Variants in KCP observed in about 807,000 individuals in gnomAD.
The protein encoded by KCP is kielin/chordin-like protein.
A neutral mutation model predicts 212.7 loss-of-function variants in KCP; 194 were observed. The ratio of observed to expected loss-of-function variants is 0.91; its 90% CI spans 0.81 to 1.03. KCP has a LOEUF of 1.03. KCP is among the 50% of genes least tolerant of loss of function. The pLI, the probability that KCP is intolerant of heterozygous loss-of-function variation, is 0.00. For synonymous variants in KCP, 833 were observed against 865.3 expected (o/e 0.96, Z 0.65); for missense variants, 2,080 against 2,162.5 (o/e 0.96, Z 0.76).
At chr7:128,891,336 C>G (rs1794117197) in intron 18 of KCP, 58 bp from the exon 19 acceptor site, 4 of 1,546,626 alleles carry the variant, frequency 2.6e-6, no homozygotes, top group African/African-American at 1.4e-5. Flanking sequence ...GCCGAGGAGA[C>G]CCCTCCCACC....
At position 128,902,906 on chromosome 7, in the gene KCP, T is replaced by C. The variant is rs776664535; in HGVS notation, c.749-47A>G. On this transcript the variant is annotated intron_variant, in intron 7 of 39. Transcript: ENST00000610776. ...GAGGGAGGCCTGGTGGGAGCTGGCC[T>C]GGACCCCAGCCTCAGCCTGCCCGCC... 2.8e-5 allele frequency: 41 copies of C among 1,443,936 alleles called. No individual in the cohort carries two copies. The African/African-American group carries it at 4.4e-4, about 15-fold the overall frequency. The allele number at this position is 1,443,936 out of a possible 1,614,324, so 89.4% of individuals were successfully genotyped here. A position where few individuals can be genotyped will look rare whatever the true frequency, so the allele number is the denominator to read the frequency against.
intron 16 of KCP, among the ~76,000 whole-genome samples, chr7:128,892,127 G>C (rs893846137): frequency 6.6e-6 from 1 of 152,022 alleles, no homozygotes; most frequent in Admixed American, 6.5e-5. Context: ...GGGCAGGGAC[G>C]TGTCCCATGC....
In KCP at chr7:128,877,261, G is replaced by A; in HGVS notation, c.4669C>T (p.Pro1557Ser). The change falls in exon 40 of 40, where the codon CCC (proline) becomes TCC (serine). Residue 1557 changes from proline to serine, a missense_variant. By Grantham distance (74) the Pro-to-Ser change is moderately conservative (BLOSUM62 -1). Coordinates refer to ENST00000610776, the MANE Select transcript of KCP (RefSeq NM_001366122.1). ...RGFVFDECGP[P>S]CPRTCFNQHI... Reference sequence around the variant, plus strand: ...TGATTGAAGCAGGTGCGGGGACAGGGTGGGCCGCACTCATCAAACACGAAG... The same window carrying A: ...TGATTGAAGCAGGTGCGGGGACAGGATGGGCCGCACTCATCAAACACGAAG... 6.7e-7 allele frequency: 1 copy of A among 1,493,626 alleles called. No homozygotes were observed. The highest frequency in any genetic ancestry group is 8.9e-7 in the Non-Finnish European group (1 of 1,122,584). 92.5% of individuals were successfully genotyped at this position (1,493,626 alleles called of 1,614,324 possible).
intron 8 of KCP, among the ~76,000 whole-genome samples, chr7:128,900,643 A>C (rs888951471): frequency 6.6e-6 from 1 of 152,242 alleles, no homozygotes; most frequent in African/African-American, 2.4e-5. Flanking sequence ...TTCTTAAATT[A>C]AACTTTTATT....
chr7:128,886,272 G>A (rs1042784538), intron 26 of KCP, among the ~76,000 whole-genome samples, 192 bp downstream of exon 26: 20 of 152,150 alleles, frequency 1.3e-4, no homozygotes, highest in African/African-American at 4.8e-4. Flanking sequence ...CCAGCACCTG[G>A]AAGAGGGATG....
In KCP at chr7:128,907,358, C is replaced by G. The variant is rs761952389; in HGVS notation, c.315G>C (p.Glu105Asp). 2.0e-4 allele frequency: 316 copies of G among 1,543,030 alleles called. No homozygotes were observed. The highest frequency in any genetic ancestry group is 2.7e-4 in the Non-Finnish European group (312 of 1,140,718). The change falls in exon 3 of 40, where the codon GAG becomes GAC. Residue 105 changes from glutamate (E) to aspartate (D), a missense_variant. Glu to Asp is a conservative substitution (Grantham distance 45). Transcript: ENST00000610776. ...AGGCGTCAGGCTCCCAGCGTGCCCCCTCGGGCCAGGCACGCCCCAGCCCCC... is the reference window on the plus strand; with the variant it reads ...AGGCGTCAGGCTCCCAGCGTGCCCCGTCGGGCCAGGCACGCCCCAGCCCCC... ...QCWGLGRAWP[E>D]GARWEPDACT...
chr7:128,893,339 G>A lies in KCP; in HGVS notation c.1186-20C>T, dbSNP rs1386056943. On this transcript the variant is annotated intron_variant, in intron 12 of 39. Transcript: ENST00000610776. ...GCCAGCCTAGGAGGGAAGCAGGTGAGACACCCTGAAGGAATGAGGCAGATC... is the reference window on the plus strand; with the variant it reads ...GCCAGCCTAGGAGGGAAGCAGGTGAAACACCCTGAAGGAATGAGGCAGATC... 1 of 1,551,480 alleles carries A rather than the reference G, an allele frequency of 6.4e-7. No homozygotes were observed. Among genetic ancestry groups the A allele is most frequent in the East Asian group, 2.4e-5 (1 of 40,906 alleles).
At position 128,904,026 on chromosome 7, in the gene KCP, G is replaced by A. The variant is rs371249325; in HGVS notation, c.654+30C>T. 581 of 1,536,520 alleles carry A rather than the reference G, an allele frequency of 3.8e-4. 3 individuals are homozygous for A. In the African/African-American group the frequency reaches 7.2e-3, roughly 19 times the overall value. On this transcript the variant is annotated intron_variant, in intron 6 of 39. Coordinates refer to ENST00000610776, the MANE Select transcript of KCP (RefSeq NM_001366122.1). The stretch of plus-strand genomic sequence containing the variant: ...AGGGCAGGTGTCCAGGGAGGTGCAG[G>A]GCCTGGGCAGAGGGGACAGGTGGAC...
At position 128,892,616 on chromosome 7, in the gene KCP, G is replaced by C. The variant is rs1179256097; in HGVS notation, c.1528-9C>G. The C allele has an allele frequency of 9.0e-6, 14 of 1,550,840 alleles. No individual in the cohort carries two copies. The highest frequency in any genetic ancestry group is 1.1e-5 in the Non-Finnish European group (13 of 1,146,228). On this transcript the variant is annotated splice_polypyrimidine_tract_variant and intron_variant, in intron 15 of 39. Coordinates refer to ENST00000610776, the MANE Select transcript of KCP (RefSeq NM_001366122.1). ...CATGTCACAGTTCCATCCTGCGAGA[G>C]AGCAGGGGAGAGAGCAATCGGGGCA... is the stretch of plus-strand genomic sequence containing the variant.
chr7:128,881,510 C>G lies in KCP; in HGVS notation c.3424+116G>C. The G allele has an allele frequency of 4.7e-6, 3 of 638,116 alleles. No individual in the cohort carries two copies. In the South Asian group the frequency reaches 7.6e-5, roughly 16 times the overall value. The allele number at this position is 638,116 out of a possible 1,614,324, so 39.5% of individuals were successfully genotyped here. A position where few individuals can be genotyped will look rare whatever the true frequency, so the allele number is the denominator to read the frequency against. On this transcript the variant is annotated intron_variant, in intron 31 of 39. Coordinates refer to ENST00000610776, the MANE Select transcript of KCP (RefSeq NM_001366122.1). ...TCTAGAAAAGAATGAACCCTGCATT[C>G]TGTTCTAGAAACCGAGTACAAACCC... is the stretch of plus-strand genomic sequence containing the variant.
At chr7:128,907,666 A>AC (rs1795196470) in intron 2 of KCP, among the ~76,000 whole-genome samples, 2 of 152,370 alleles carry the variant, frequency 1.3e-5, no homozygotes, top group South Asian at 4.1e-4. Flanking sequence ...TGGGGACCCA[A>AC]CCCTTGCCCC....
intron 16 of KCP, 139 bp downstream of exon 16, chr7:128,892,375 A>C: frequency 3.1e-6 from 2 of 644,436 alleles, no homozygotes; most frequent in Admixed American, 3.0e-5. Flanking sequence ...CGTGAGTTCC[A>C]GAGAGTTCTA....
intron 25 of KCP, 38 bp from the exon 26 acceptor site, chr7:128,886,595 C>T (rs1793660552): frequency 1.3e-6 from 2 of 1,550,992 alleles, no homozygotes; most frequent in Non-Finnish European, 1.7e-6. Context: ...GCTGCCTAGG[C>T]TGGGGCCCAG....
intron 8 of KCP, among the ~76,000 whole-genome samples, chr7:128,902,028 A>C (rs1312932254): frequency 6.6e-6 from 1 of 152,198 alleles, no homozygotes; most frequent in Non-Finnish European, 1.5e-5. Context: ...AATGTTAACC[A>C]CTTATGTCAT....
chr7:128,891,026 CG>C lies in KCP; in HGVS notation c.2042del (p.Pro681ArgfsTer73), dbSNP rs1177810481. 4.5e-6 allele frequency: 6 copies of C among 1,347,266 alleles called. No individual in the cohort carries two copies. The highest frequency in any genetic ancestry group is 5.7e-6 in the Non-Finnish European group (6 of 1,055,032). The allele number at this position is 1,347,266 out of a possible 1,614,324, so 83.5% of individuals were successfully genotyped here. ...GGCAGCGGCGGCAGGGATCGCCGGGCGGGGAGAAGTACTCCTGGTGGCGGGC... is the reference window on the plus strand; with the variant it reads ...GGCAGCGGCGGCAGGGATCGCCGGGCGGGAGAAGTACTCCTGGTGGCGGGC... ...AHARHQEYFS[P>X]PGDPCRRCLC... On this transcript the variant is annotated frameshift_variant, in exon 20 of 40. Coordinates refer to ENST00000610776, the MANE Select transcript of KCP (RefSeq NM_001366122.1). LOFTEE classifies it high-confidence loss of function.
At chr7:128,882,233 G>T (rs1793376715) in intron 29 of KCP, among the ~76,000 whole-genome samples, 1 of 152,184 alleles carries the variant, frequency 6.6e-6, no homozygotes, top group Non-Finnish European at 1.5e-5. Context: ...ATTATTTGGG[G>T]CCGGGTGGGG....
chr7:128,894,614 G>A (rs1180238946), intron 8 of KCP, among the ~76,000 whole-genome samples: 1 of 152,046 alleles, frequency 6.6e-6, no homozygotes, highest in African/African-American at 2.4e-5. Context: ...AGGTTTGCAG[G>A]TTGCAGGTTG....
Position 128,886,861 on chromosome 7 carries a change from A to G in KCP, c.2689+15T>C. On this transcript the variant is annotated intron_variant, in intron 24 of 39. Coordinates refer to ENST00000610776, the MANE Select transcript of KCP (RefSeq NM_001366122.1). ...GGGAAGGGCATGGGGGCCGCGCATG[A>G]GGAAGGCAGCTCACTGTGGCAAACA... The G allele has an allele frequency of 2.7e-6, 4 of 1,494,936 alleles. No individual in the cohort carries two copies. The highest frequency in any genetic ancestry group is 3.6e-6 in the Non-Finnish European group (4 of 1,099,572). The allele number at this position is 1,494,936 out of a possible 1,614,324, so 92.6% of individuals were successfully genotyped here.
chr7:128,895,532 G>T (rs1163577703), intron 8 of KCP, among the ~76,000 whole-genome samples: 1 of 152,230 alleles, frequency 6.6e-6, no homozygotes, highest in African/African-American at 2.4e-5. Flanking sequence ...AGAGGCGTTT[G>T]AACCAAAGCA....
Sources: allele counts gnomAD v4.1 joint callset (sites outside exome capture counted in the v4.1 genomes callset), GRCh38; gene constraint gnomAD v4.1.1; transcripts MANE v1.5; gene names NCBI Gene and HGNC (gene_info 2026-07-23, HGNC 2026-07-21).